The following RALB variants were observed in gnomAD, a reference collection of about 807,000 sequenced individuals.
RALB encodes RAS like proto-oncogene B.
Under a neutral mutation model 21.3 loss-of-function variants are expected in RALB, and 16 were observed. The observed-to-expected ratio is 0.75, with a 90% CI of 0.51 to 1.14. The LOEUF (loss-of-function observed/expected upper bound fraction) is 1.14. Ranked by LOEUF, RALB falls within the 50% of genes most tolerant of loss-of-function variation. The pLI is 0.00. For missense variants in RALB, 161 were observed against 256.2 expected, an observed-to-expected ratio of 0.63 and a Z score of 2.54; for synonymous variants, 93 against 96.1, an observed-to-expected ratio of 0.97 and a Z score of 0.19.
chr2:120,289,439 C>A, intron 3 of RALB, 141 bp from the exon 4 acceptor site: 1 of 845,802 alleles, frequency 1.2e-6, no homozygotes, highest in Non-Finnish European at 1.9e-6. Flanking sequence ...CTAGGGAGTG[C>A]TTTCTCAGAA....
upstream of RALB, among the ~76,000 whole-genome samples, chr2:120,252,275 T>C (rs946820743): frequency 6.6e-6 from 1 of 152,170 alleles, no homozygotes; most frequent in Non-Finnish European, 1.5e-5. Flanking sequence ...CTGGCCCTTG[T>C]AGGCGGCCTG....
At chr2:120,280,676 C>T (rs1689967486) in intron 2 of RALB, among the ~76,000 whole-genome samples, 1 of 150,524 alleles carries the variant, frequency 6.6e-6, no homozygotes, top group South Asian at 2.1e-4. Flanking sequence ...ACATAACCTG[C>T]ATGTTCTGCA....
At chr2:120,276,290 G>C (rs1689791778) in intron 1 of RALB, among the ~76,000 whole-genome samples, 1 of 152,082 alleles carries the variant, frequency 6.6e-6, no homozygotes, top group African/African-American at 2.4e-5. Flanking sequence ...TTGATTTCTT[G>C]GGCTGTGTTT....
rs1689087965 is a variant in RALB at position 120,252,872 on chromosome 2, A to G, written c.-156A>G. 1.6e-5 allele frequency: 16 copies of G among 985,500 alleles called. No individual in the cohort carries two copies. Among genetic ancestry groups the G allele is most frequent in the Non-Finnish European group, 1.9e-5 (16 of 830,024 alleles). The allele number at this position is 985,500 out of a possible 1,614,324, so 61.0% of individuals were successfully genotyped here. On this transcript the variant is annotated 5_prime_UTR_variant, in exon 1 of 5. Transcript: ENST00000272519. ...GGTGGGAAAGCGAGCCCGGCAGCTC[A>G]ATGACAAATCGGTGGAGGACGGCTG...
chr2:120,260,455 G>T (rs1689334293), intron 1 of RALB, among the ~76,000 whole-genome samples: 1 of 152,268 alleles, frequency 6.6e-6, no homozygotes, highest in Non-Finnish European at 1.5e-5. Flanking sequence ...GCAAGGCTGT[G>T]AGCCTGGGGC....
intron 1 of RALB, among the ~76,000 whole-genome samples, chr2:120,254,963 C>A (rs563860627): frequency 6.6e-6 from 1 of 152,244 alleles, no homozygotes; most frequent in Non-Finnish European, 1.5e-5. Context: ...AGGTGTGAGC[C>A]ACCCCGTCTG....
intron 1 of RALB, among the ~76,000 whole-genome samples, chr2:120,256,438 A>G (rs1431641833): frequency 6.6e-6 from 1 of 151,630 alleles, no homozygotes; most frequent in Non-Finnish European, 1.5e-5. Flanking sequence ...CATAATCCCC[A>G]TACGTTGTGG....
intron 1 of RALB, among the ~76,000 whole-genome samples, chr2:120,273,536 T>A (rs956069702): frequency 1.3e-5 from 2 of 152,184 alleles, no homozygotes; most frequent in Admixed American, 6.5e-5. Context: ...ATAATTCTAA[T>A]CTCCTGGCCT....
At chr2:120,258,071 G>T (rs10186773) in intron 1 of RALB, among the ~76,000 whole-genome samples, 7,351 of 152,160 alleles carry the variant, frequency 0.048, 648 homozygotes, top group African/African-American at 0.17. Flanking sequence ...ATCTGCTCTT[G>T]ACCCCTCTGT....
intron 1 of RALB, among the ~76,000 whole-genome samples, chr2:120,271,766 C>T (rs1689670695): frequency 6.6e-6 from 1 of 152,152 alleles, no homozygotes; most frequent in African/African-American, 2.4e-5. Context: ...ATTCCCTTTT[C>T]CTGGAGTTCA....
At chr2:120,250,486 T>C (rs1689036880), upstream of RALB, among the ~76,000 whole-genome samples, 1 of 152,212 alleles carries the variant, frequency 6.6e-6, no homozygotes, top group East Asian at 1.9e-4. Context: ...TCCACCCAAC[T>C]ACAGGGCTAG....
At chr2:120,278,557 A>T in intron 1 of RALB, 61 bp from the exon 2 acceptor site, 6 of 1,335,550 alleles carry the variant, frequency 4.5e-6, no homozygotes, top group Non-Finnish European at 4.9e-6. Flanking sequence ...TGTGAATGAC[A>T]TTTGGTTTTA....
Position 120,294,571 on chromosome 2 carries a change from G to A in RALB, c.*1311G>A, listed in dbSNP as rs554306321. Reference sequence around the variant, plus strand: ...CATATATAGGTGCCAAAAGTGAATCGGGGTGCGGAGAGTGGGAACCTTTTG... The same window carrying A: ...CATATATAGGTGCCAAAAGTGAATCAGGGTGCGGAGAGTGGGAACCTTTTG... On this transcript the variant is annotated 3_prime_UTR_variant, in exon 5 of 5. Coordinates refer to ENST00000272519, the MANE Select transcript of RALB (RefSeq NM_002881.3). 3.9e-6 allele frequency: 1 copy of A among 257,308 alleles called. No individual in the cohort carries two copies. Among genetic ancestry groups the A allele is most frequent in the Non-Finnish European group, 7.3e-6 (1 of 137,766 alleles). The allele number at this position is 257,308 out of a possible 1,614,324, so 15.9% of individuals were successfully genotyped here. A position where few individuals can be genotyped will look rare whatever the true frequency, so the allele number is the denominator to read the frequency against.
chr2:120,258,855 A>C (rs1265603724), intron 1 of RALB, among the ~76,000 whole-genome samples: 1 of 152,232 alleles, frequency 6.6e-6, no homozygotes, highest in Non-Finnish European at 1.5e-5. Flanking sequence ...TCAAGAATGA[A>C]GCCGCGGACC....
intron 1 of RALB, among the ~76,000 whole-genome samples, chr2:120,271,497 A>G (rs984375772): frequency 6.6e-6 from 1 of 152,202 alleles, no homozygotes; most frequent in Non-Finnish European, 1.5e-5. Context: ...GGACCCGCCT[A>G]GCAATGACTC....
chr2:120,279,324 C>T (rs1689925675), intron 2 of RALB, among the ~76,000 whole-genome samples: 1 of 152,092 alleles, frequency 6.6e-6, no homozygotes, highest in Non-Finnish European at 1.5e-5. Context: ...GCCTTGATCC[C>T]CGGAGCTACA....
At chr2:120,251,716 G>A (rs962098805), upstream of RALB, among the ~76,000 whole-genome samples, 2 of 152,186 alleles carry the variant, frequency 1.3e-5, no homozygotes, top group Admixed American at 6.5e-5. Context: ...TCTGTCATAC[G>A]ATTAGCACTC....
At chr2:120,277,947 A>ATG (rs34952113) in intron 1 of RALB, among the ~76,000 whole-genome samples, 98,830 of 145,396 alleles carry the variant, frequency 0.68, 33,344 homozygotes, top group Middle Eastern at 0.78. Flanking sequence ...GCGAGTGTGA[A>ATG]TGTGTGAATG....
At chr2:120,263,535 A>G (rs1176792594) in intron 1 of RALB, among the ~76,000 whole-genome samples, 1 of 151,870 alleles carries the variant, frequency 6.6e-6, no homozygotes, top group Non-Finnish European at 1.5e-5. Context: ...AATCTTCATA[A>G]CAGTCCTAAG....
Sources: gnomAD v4.1 joint callset for allele counts (sites outside exome capture counted in the v4.1 genomes callset) on GRCh38, gnomAD v4.1.1 for gene constraint, MANE v1.5 for transcripts, NCBI Gene and HGNC (gene_info 2026-07-23, HGNC 2026-07-21) for gene names.